Variants in SCN11A observed in about 807,000 individuals in gnomAD.
SCN11A encodes sodium channel protein type 11 subunit alpha.
In SCN11A, 122 loss-of-function variants were observed where a neutral mutation model predicts 162.2. The ratio of observed to expected loss-of-function variants is 0.75; its 90% CI spans 0.65 to 0.87. The LOEUF (loss-of-function observed/expected upper bound fraction) is 0.87. Among genes scored for constraint, SCN11A ranks in the 40% least tolerant of loss-of-function variants. SCN11A has a pLI of 0.00. For synonymous variants in SCN11A, 758 were observed against 751.5 expected, an observed-to-expected ratio of 1.01 and a Z score of -0.14; for missense variants, 2,015 against 2,181.6, an observed-to-expected ratio of 0.92 and a Z score of 1.52.
At chr3:38,986,942 G>T (rs1274860297) in intron 2 of SCN11A, among the ~76,000 whole-genome samples, 1 of 152,092 alleles carries the variant, frequency 6.6e-6, no homozygotes, top group Admixed American at 6.5e-5. Context: ...GTGGAATTCA[G>T]TCCCCTGCAT....
intron 11 of SCN11A, among the ~76,000 whole-genome samples, chr3:38,917,591 A>G (rs2065978740): frequency 6.6e-6 from 1 of 152,226 alleles, no homozygotes; most frequent in Non-Finnish European, 1.5e-5. Context: ...ACATGTTCTT[A>G]GTTGTAAATG....
At chr3:38,911,245 A>T (rs2065883611) in intron 11 of SCN11A, among the ~76,000 whole-genome samples, 1 of 152,158 alleles carries the variant, frequency 6.6e-6, no homozygotes, top group Non-Finnish European at 1.5e-5. Context: ...TAATCTTTGC[A>T]TATATGAATA....
At chr3:38,885,183 A>G in intron 21 of SCN11A, 105 bp downstream of exon 21, 1 of 683,772 alleles carries the variant, frequency 1.5e-6, no homozygotes. Flanking sequence ...TTTGTCTCCA[A>G]TAGAAGTAGA....
chr3:38,904,031 C>G lies in SCN11A; in HGVS notation c.1676G>C (p.Cys559Ser). ...CTTAACGCACAGCCACTGGGGGCAA[C>G]AGTTCCACACGAGGTACTTGGATGC... is the stretch of plus-strand genomic sequence containing the variant. ...NLASKYLVWN[C>S]CPQWLCVKKV... Residue 559 changes from cysteine to serine, a missense_variant, in exon 16 of 30, where the codon TGT becomes TCT. Cys to Ser is a moderately radical substitution (Grantham distance 112). Transcript: ENST00000302328. 2 of 1,608,966 alleles carry G rather than the reference C, an allele frequency of 1.2e-6. No individual in the cohort carries two copies.
chr3:38,979,933 GC>G (rs944114706), intron 2 of SCN11A, among the ~76,000 whole-genome samples: 1 of 152,124 alleles, frequency 6.6e-6, no homozygotes, highest in African/African-American at 2.4e-5. Flanking sequence ...ACCCCACCCT[GC>G]CCATTCAGCT....
Position 38,850,536 on chromosome 3 carries a change from G to A in SCN11A, c.4272C>T (p.Tyr1424=), listed in dbSNP as rs146409038. ...CAAATAAATTCCAGCCATTGGTGAAGTAGTATTGCCTCAAAGCAAAGATTT... is the reference window on the plus strand; with the variant it reads ...CAAATAAATTCCAGCCATTGGTGAAATAGTATTGCCTCAAAGCAAAGATTT... The part of the protein sequence containing the change: ...LIKIFALRQY[Y]FTNGWNLFDC... The change falls in exon 29 of 30, where the codon TAC becomes TAT. Residue 1424 remains tyrosine (Y), a synonymous_variant. Coordinates refer to ENST00000302328, the MANE Select transcript of SCN11A (RefSeq NM_001349253.2). The A allele has an allele frequency of 1.7e-4, 280 of 1,613,794 alleles. 1 individual carries two copies. Among genetic ancestry groups the A allele is most frequent in the African/African-American group, 6.0e-4 (45 of 74,930 alleles).
chr3:38,889,715 G>A (rs992187691), intron 19 of SCN11A, among the ~76,000 whole-genome samples: 2 of 151,744 alleles, frequency 1.3e-5, no homozygotes, highest in East Asian at 3.9e-4. Flanking sequence ...CAGGAGAATG[G>A]CAGGAACCCG....
intron 13 of SCN11A, among the ~76,000 whole-genome samples, 154 bp downstream of exon 13, chr3:38,908,843 A>G (rs1359773565): frequency 6.6e-6 from 1 of 152,152 alleles, no homozygotes; most frequent in African/African-American, 2.4e-5. Flanking sequence ...CAGCACAGCC[A>G]TTCTTCGAGG....
chr3:39,045,045 G>A (rs1484950030), intron 1 of SCN11A, among the ~76,000 whole-genome samples: 1 of 152,022 alleles, frequency 6.6e-6, no homozygotes, highest in Non-Finnish European at 1.5e-5. Context: ...AAGATGAAAA[G>A]CCTAGAGGAA....
intron 2 of SCN11A, among the ~76,000 whole-genome samples, chr3:39,014,584 T>C (rs145465352): frequency 2.6e-5 from 4 of 152,350 alleles, no homozygotes; most frequent in African/African-American, 9.6e-5. Flanking sequence ...TCTACCATTT[T>C]TATCAAGCCA....
chr3:38,847,442 C>A lies in SCN11A; in HGVS notation c.4628G>T (p.Cys1543Phe), dbSNP rs151155193. Residue 1543 changes from cysteine (C) to phenylalanine (F), a missense_variant, in exon 30 of 30, where the codon TGT becomes TTT. Physicochemically the swap from Cys to Phe is radical, Grantham distance 205 (BLOSUM62 -2). Coordinates refer to ENST00000302328, the MANE Select transcript of SCN11A (RefSeq NM_001349253.2). ...NFKTFASSML[C>F]LFQISTSAGW... ...TGCTGATGTGCTTATCTGGAAGAGA[C>A]AGAGCATGCTGCTGGCAAAAGTCTT... 1 of 1,614,170 alleles carries A rather than the reference C, an allele frequency of 6.2e-7. No individual in the cohort carries two copies. The highest frequency in any genetic ancestry group is 1.1e-5 in the South Asian group (1 of 91,074).
In SCN11A at chr3:39,017,009, G is replaced by C. The variant is rs1302436325; in HGVS notation, c.-280+15371C>G. ...TGCTTCACTAGTGCTTGAACTGACTGTGTTCCCCTCAAATTCATATGTTGA... is the reference window on the plus strand; with the variant it reads ...TGCTTCACTAGTGCTTGAACTGACTCTGTTCCCCTCAAATTCATATGTTGA... On this transcript the variant is annotated intron_variant, in intron 2 of 29. Transcript: ENST00000302328. 2.0e-5 allele frequency among the ~76,000 whole-genome samples: 3 copies of C among 152,232 alleles called. No homozygotes were observed. In the East Asian group the frequency reaches 5.8e-4, roughly 29 times the overall value.
intron 12 of SCN11A, 83 bp downstream of exon 12, chr3:38,909,983 T>G: frequency 3.8e-6 from 5 of 1,316,338 alleles, no homozygotes; most frequent in Non-Finnish European, 5.2e-6. Context: ...AAATAAATGG[T>G]AAATAAATAG....
chr3:38,953,822 GCT>G (rs914784685), intron 3 of SCN11A, among the ~76,000 whole-genome samples, 63 bp from the exon 4 acceptor site: 7 of 152,170 alleles, frequency 4.6e-5, no homozygotes, highest in Middle Eastern at 3.2e-3. Flanking sequence ...CACATGTCAG[GCT>G]CTGAAAACAG....
intron 5 of SCN11A, among the ~76,000 whole-genome samples, chr3:38,949,435 T>C (rs1433707535): frequency 1.3e-5 from 2 of 152,250 alleles, no homozygotes; most frequent in Non-Finnish European, 2.9e-5. Context: ...TGAGTTTACA[T>C]AGAATCTGCA....
chr3:38,873,603 A>T (rs774926371), intron 23 of SCN11A, among the ~76,000 whole-genome samples: 5 of 152,130 alleles, frequency 3.3e-5, no homozygotes, highest in Non-Finnish European at 7.4e-5. Context: ...AAGTTTAGCA[A>T]TTCTTCTGTT....
At chr3:39,041,907 T>C (rs919062038) in intron 1 of SCN11A, among the ~76,000 whole-genome samples, 1 of 152,132 alleles carries the variant, frequency 6.6e-6, no homozygotes, top group African/African-American at 2.4e-5. Flanking sequence ...CATATTTCAA[T>C]AATAACCTTG....
intron 25 of SCN11A, among the ~76,000 whole-genome samples, chr3:38,871,159 C>T (rs185321427): frequency 9.4e-4 from 143 of 152,300 alleles, no homozygotes; most frequent in African/African-American, 3.3e-3. Context: ...TGAGGCTCCA[C>T]TCCTCTCTGC....
At chr3:38,929,137 A>C (rs868849470) in intron 7 of SCN11A, among the ~76,000 whole-genome samples, 1 of 56,700 alleles carries the variant, frequency 1.8e-5, no homozygotes, top group African/African-American at 5.5e-5. Flanking sequence ...CTGTGCACGC[A>C]CACACACACA....
Sources: gnomAD v4.1 joint callset for allele counts (sites outside exome capture counted in the v4.1 genomes callset) on GRCh38, gnomAD v4.1.1 for gene constraint, MANE v1.5 for transcripts, NCBI Gene and HGNC (gene_info 2026-07-23, HGNC 2026-07-21) for gene names.